RANBP2: variants seen among roughly 807,000 people sequenced by gnomAD.
The protein encoded by RANBP2 is RAN binding protein 2, also known as E3 SUMO-protein ligase RanBP2.
A neutral mutation model predicts 303.6 loss-of-function variants in RANBP2; 57 were observed. The observed-to-expected ratio is 0.19, with a 90% CI of 0.15 to 0.23. The LOEUF (loss-of-function observed/expected upper bound fraction) is 0.23. Among genes scored for constraint, RANBP2 ranks in the 10% least tolerant of loss-of-function variants. The pLI, the probability that RANBP2 is intolerant of heterozygous loss-of-function variation, is 1.00. For missense variants in RANBP2, 3,138 were observed against 3,780.8 expected, an observed-to-expected ratio of 0.83 and a Z score of 4.46; for synonymous variants, 1,167 against 1,301.5, an observed-to-expected ratio of 0.90 and a Z score of 2.23.
chr2:108,885,008 A>G, the RANBP2 span: 1 of 152,250 alleles, frequency 6.6e-6, no homozygotes, highest in African/African-American at 2.4e-5. Flanking sequence ...GCTAATTGGA[A>G]TATTGTAATA....
chr2:109,555,615 G>A, the RANBP2 span, among the ~76,000 whole-genome samples: 2 of 152,148 alleles, frequency 1.3e-5, no homozygotes, highest in Non-Finnish European at 2.9e-5. Context: ...GAATGCTGAG[G>A]GCAGTCACGA....
the RANBP2 span, among the ~76,000 whole-genome samples, chr2:109,262,086 C>T: frequency 6.6e-6 from 1 of 152,224 alleles, no homozygotes; most frequent in Non-Finnish European, 1.5e-5. Flanking sequence ...CAAGCATGAG[C>T]AAGCCCACAG....
chr2:109,697,617 A>G, the RANBP2 span, among the ~76,000 whole-genome samples: 5 of 152,118 alleles, frequency 3.3e-5, no homozygotes, highest in African/African-American at 9.7e-5. Context: ...TCAAAAGTTT[A>G]AGTATCTTTT....
the RANBP2 span, among the ~76,000 whole-genome samples, chr2:109,451,098 G>A: frequency 1.3e-5 from 2 of 152,238 alleles, no homozygotes; most frequent in African/African-American, 4.8e-5. Flanking sequence ...AGCACCTCCT[G>A]TGTTGTTCAG....
At chr2:108,890,864 C>T in the RANBP2 span, among the ~76,000 whole-genome samples, 1 of 151,972 alleles carries the variant, frequency 6.6e-6, no homozygotes, top group Non-Finnish European at 1.5e-5. Context: ...CTGTTTTATT[C>T]TTTTTCTTTT....
At chr2:109,499,117 G>T in the RANBP2 span, among the ~76,000 whole-genome samples, 1 of 152,172 alleles carries the variant, frequency 6.6e-6, no homozygotes, top group Admixed American at 6.5e-5. Flanking sequence ...GAAAGCAGGA[G>T]GCCCAGAGTG....
chr2:109,301,031 A>G, the RANBP2 span, among the ~76,000 whole-genome samples: 1 of 152,234 alleles, frequency 6.6e-6, no homozygotes, highest in Non-Finnish European at 1.5e-5. Flanking sequence ...CTCACTTGAA[A>G]GTTGGGAGAC....
the RANBP2 span, among the ~76,000 whole-genome samples, chr2:109,661,082 G>T: frequency 6.6e-6 from 1 of 152,078 alleles, no homozygotes; most frequent in African/African-American, 2.4e-5. Context: ...TTCCTGCTCA[G>T]CTAAAAAGCC....
the RANBP2 span, among the ~76,000 whole-genome samples, chr2:109,325,624 C>T: frequency 6.6e-6 from 1 of 152,188 alleles, no homozygotes; most frequent in Non-Finnish European, 1.5e-5. Flanking sequence ...TCACTCACCA[C>T]TTCCCAAAGC....
At chr2:108,931,187 G>A in the RANBP2 span, among the ~76,000 whole-genome samples, 1 of 152,244 alleles carries the variant, frequency 6.6e-6, no homozygotes, top group African/African-American at 2.4e-5. Context: ...AGCTGAAGCT[G>A]TACCCATGCC....
chr2:108,719,817 G>A, intron 1 of RANBP2, 139 bp downstream of exon 1: 1 of 1,451,062 alleles, frequency 6.9e-7, no homozygotes, highest in Non-Finnish European at 9.0e-7. Context: ...CAGTCCTGTG[G>A]GCGGCGTGGC....
intron 4 of RANBP2, among the ~76,000 whole-genome samples, chr2:108,734,456 C>T (rs1479553815): frequency 7.6e-5 from 11 of 145,372 alleles, no homozygotes; most frequent in Middle Eastern, 3.4e-3. Context: ...TTATGATTTC[C>T]CAAATCTAAG....
At chr2:109,197,995 G>A in the RANBP2 span, among the ~76,000 whole-genome samples, 225 of 152,334 alleles carry the variant, frequency 1.5e-3, 2 homozygotes, top group African/African-American at 5.2e-3. Context: ...GTTTTTCACA[G>A]AGTTGACCTG....
chr2:109,681,298 A>G, the RANBP2 span, among the ~76,000 whole-genome samples: 29 of 152,364 alleles, frequency 1.9e-4, no homozygotes, highest in Admixed American at 1.4e-3. Flanking sequence ...AGGGGCGTCT[A>G]AGGATTTCCA....
At chr2:108,913,843 G>A in the RANBP2 span, among the ~76,000 whole-genome samples, 6 of 151,046 alleles carry the variant, frequency 4.0e-5, no homozygotes, top group African/African-American at 9.7e-5. Context: ...CCAGCTACTC[G>A]GGAGGCTGAG....
chr2:109,292,570 C>T, the RANBP2 span, among the ~76,000 whole-genome samples: 1 of 152,206 alleles, frequency 6.6e-6, no homozygotes, highest in Non-Finnish European at 1.5e-5. Context: ...ACATCATCCC[C>T]TAGTTTCACA....
the RANBP2 span, among the ~76,000 whole-genome samples, chr2:109,689,090 A>G: frequency 6.6e-6 from 1 of 152,026 alleles, no homozygotes; most frequent in South Asian, 2.1e-4. Context: ...TACTTTTAGT[A>G]GAGGCGGGAT....
chr2:109,434,064 C>T, the RANBP2 span, among the ~76,000 whole-genome samples: 1 of 152,230 alleles, frequency 6.6e-6, no homozygotes. Flanking sequence ...CAGCCTGCAA[C>T]CGGCCTGTGC....
At chr2:109,193,366 T>C in the RANBP2 span, among the ~76,000 whole-genome samples, 21 of 152,236 alleles carry the variant, frequency 1.4e-4, no homozygotes, top group African/African-American at 5.1e-4. Context: ...ATTCAACATA[T>C]AATGTGTAGC....
Sources: gnomAD v4.1 joint callset for allele counts (sites outside exome capture counted in the v4.1 genomes callset) on GRCh38, gnomAD v4.1.1 for gene constraint, MANE v1.5 for transcripts, NCBI Gene and HGNC (gene_info 2026-07-23, HGNC 2026-07-21) for gene names.